DLG5: variants seen among roughly 807,000 people sequenced by gnomAD.
DLG5 encodes disks large homolog 5.
In DLG5, 48 loss-of-function variants were observed where a neutral mutation model predicts 189.8. That is an observed-to-expected ratio of 0.25 (90% CI 0.20 to 0.32). DLG5 has a LOEUF of 0.32. Among genes scored for constraint, DLG5 ranks in the 10% least tolerant of loss-of-function variants. The pLI is 1.00. For synonymous variants in DLG5, 1,016 were observed against 1,054.1 expected (o/e 0.96, Z 0.70); for missense variants, 2,160 against 2,544.7 (o/e 0.85, Z 3.25).
intron 5 of DLG5, among the ~76,000 whole-genome samples, chr10:77,852,050 G>C (rs576286996): frequency 3.3e-5 from 5 of 152,262 alleles, no homozygotes; most frequent in Non-Finnish European, 7.4e-5. Context: ...AGCTACACAT[G>C]GGGGATTGAC....
chr10:77,940,471 T>C, the DLG5 span, among the ~76,000 whole-genome samples: 2 of 152,218 alleles, frequency 1.3e-5, no homozygotes, highest in Non-Finnish European at 2.9e-5. Flanking sequence ...TGGACACAAA[T>C]CTTTTGGGAG....
rs1484764941 is a variant in DLG5, at chr10:77,817,040, T to C, written c.3841A>G (p.Arg1281Gly). The C allele has an allele frequency of 6.2e-7, 1 of 1,614,142 alleles. No homozygotes were observed. The highest frequency in any genetic ancestry group is 1.3e-5 in the African/African-American group (1 of 75,032). ...GAGCCCACGACACTCCGCGGATATC[T>C]TGGTGTTGATGGGATTTTAATGCGT... ...AERIKIPSTP[R>G]YPRSVVGSER... Residue 1281 changes from arginine to glycine, a missense_variant, in exon 19 of 32, where the codon AGA (arginine) becomes GGA (glycine). Physicochemically the swap from Arg to Gly is moderately radical, Grantham distance 125. Transcript: ENST00000372391.
chr10:77,940,678 C>T, the DLG5 span, among the ~76,000 whole-genome samples: 1 of 152,158 alleles, frequency 6.6e-6, no homozygotes, highest in East Asian at 1.9e-4. Context: ...ACCCGAGGTC[C>T]TCTCCTCCAG....
intron 1 of DLG5, among the ~76,000 whole-genome samples, chr10:77,899,939 A>G (rs141132757): frequency 2.6e-5 from 4 of 152,342 alleles, no homozygotes; most frequent in African/African-American, 9.6e-5. Flanking sequence ...TAATCTTATC[A>G]ATTTCATCCT....
intron 26 of DLG5, 40 bp downstream of exon 26, chr10:77,806,718 A>AGCGCCCCCCCCC: frequency 7.5e-7 from 1 of 1,333,654 alleles, no homozygotes; most frequent in Non-Finnish European, 1.1e-6. Context: ...GCCCTCGGCG[A>AGCGCCCCCCCCC]CCCCTGCCCC....
intron 1 of DLG5, among the ~76,000 whole-genome samples, chr10:77,896,842 A>G (rs1326739108): frequency 6.6e-6 from 1 of 152,034 alleles, no homozygotes; most frequent in Non-Finnish European, 1.5e-5. Context: ...AAATATGGCA[A>G]GCTGTTAACC....
chr10:77,885,091 A>G (rs1845399482), intron 1 of DLG5, among the ~76,000 whole-genome samples: 2 of 152,160 alleles, frequency 1.3e-5, no homozygotes, highest in African/African-American at 4.8e-5. Context: ...CCCCACAAAT[A>G]AAGATAAAAC....
intron 1 of DLG5, among the ~76,000 whole-genome samples, chr10:77,901,378 G>C (rs945496342): frequency 6.6e-6 from 1 of 152,196 alleles, no homozygotes; most frequent in Admixed American, 6.5e-5. Flanking sequence ...GGGACAACTG[G>C]TAAACAGCCC....
intron 18 of DLG5, 53 bp from the exon 19 acceptor site, chr10:77,817,149 T>C: frequency 6.7e-7 from 1 of 1,491,266 alleles, no homozygotes; most frequent in Non-Finnish European, 9.4e-7. Context: ...AACACCACCC[T>C]GTCCTTCCTC....
chr10:77,932,252 G>A, the DLG5 span, among the ~76,000 whole-genome samples: 1 of 152,334 alleles, frequency 6.6e-6, no homozygotes, highest in East Asian at 1.9e-4. Flanking sequence ...TCATGAATGA[G>A]TGGTTGTGGA....
At chr10:77,833,405 G>A (rs143497777) in intron 9 of DLG5, among the ~76,000 whole-genome samples, 499 of 152,300 alleles carry the variant, frequency 3.3e-3, no homozygotes, top group African/African-American at 0.011. Context: ...TCTCTTAGAT[G>A]GACCTGACCT....
At chr10:77,918,776 G>C (rs980729875) in intron 1 of DLG5, among the ~76,000 whole-genome samples, 2 of 152,086 alleles carry the variant, frequency 1.3e-5, no homozygotes, top group African/African-American at 4.8e-5. Context: ...CATCCCTACT[G>C]TCCAGGCCAA....
intron 1 of DLG5, among the ~76,000 whole-genome samples, chr10:77,903,567 G>A (rs1007470136): frequency 1.1e-4 from 16 of 150,040 alleles, no homozygotes; most frequent in South Asian, 2.1e-4. Flanking sequence ...GCGGTGAGCC[G>A]AGATCGTGAC....
At chr10:77,830,383 C>G (rs759878783) in intron 10 of DLG5, 39 bp from the exon 11 acceptor site, 42 of 1,613,364 alleles carry the variant, frequency 2.6e-5, no homozygotes, top group Non-Finnish European at 3.6e-5. Flanking sequence ...TTTCACAAAG[C>G]AGTGACAGAG....
At chr10:77,874,702 A>G (rs934497140) in intron 1 of DLG5, among the ~76,000 whole-genome samples, 23 of 152,100 alleles carry the variant, frequency 1.5e-4, no homozygotes, top group African/African-American at 5.6e-4. Context: ...CCCCAAAAAC[A>G]CTTCTGGTTC....
chr10:77,851,584 C>T (rs187292407), intron 5 of DLG5, among the ~76,000 whole-genome samples: 29 of 152,342 alleles, frequency 1.9e-4, no homozygotes, highest in Non-Finnish European at 2.4e-4. Context: ...GCCCCAGCCA[C>T]TGGGCCTGAC....
At chr10:77,880,533 T>C (rs1021536802) in intron 1 of DLG5, among the ~76,000 whole-genome samples, 2 of 152,156 alleles carry the variant, frequency 1.3e-5, no homozygotes, top group Admixed American at 6.5e-5. Flanking sequence ...TGCTCAGATA[T>C]GCCCATGTTG....
intron 1 of DLG5, among the ~76,000 whole-genome samples, chr10:77,905,896 T>C (rs1846058547): frequency 6.6e-6 from 1 of 152,272 alleles, no homozygotes; most frequent in South Asian, 2.1e-4. Context: ...GCAATCTACA[T>C]AATAGCACTG....
At chr10:77,865,427 T>C (rs1011159483) in intron 2 of DLG5, among the ~76,000 whole-genome samples, 10 of 152,134 alleles carry the variant, frequency 6.6e-5, no homozygotes, top group Non-Finnish European at 1.2e-4. Flanking sequence ...CCCTGGGATA[T>C]GAGAGAAGCC....
Sources: allele counts gnomAD v4.1 joint callset (sites outside exome capture counted in the v4.1 genomes callset), GRCh38; gene constraint gnomAD v4.1.1; transcripts MANE v1.5; gene names NCBI Gene and HGNC (gene_info 2026-07-23, HGNC 2026-07-21).